LYRM7: variants seen among roughly 807,000 people sequenced by gnomAD.
LYRM7 encodes the protein LYR motif containing 7.
Under a neutral mutation model 15.8 loss-of-function variants are expected in LYRM7, and 9 were observed. The ratio of observed to expected loss-of-function variants is 0.57; its 90% CI spans 0.34 to 0.99. The LOEUF (loss-of-function observed/expected upper bound fraction) is 0.99. LYRM7 is among the 50% of genes least tolerant of loss of function. LYRM7 has a pLI of 0.02. For missense variants in LYRM7, 115 were observed against 119.1 expected (o/e 0.97, Z 0.16); for synonymous variants, 39 against 39.4 (o/e 0.99, Z 0.04).
intron 3 of LYRM7, 32 bp from the exon 4 acceptor site, chr5:131,186,996 G>T (rs1755804287): frequency 8.2e-7 from 1 of 1,213,178 alleles, no homozygotes. Flanking sequence ...ACACCTAAAG[G>T]ACTTACTCTA....
In LYRM7 at chr5:131,182,833, G is replaced by GA. The variant is rs575727395; in HGVS notation, c.162+541dup. ...CTAATACTCCTAGTAGAAGTTTATTGAAAAAAATGCACAATTTTTCTTTTC... is the reference window on the plus strand; with the variant it reads ...CTAATACTCCTAGTAGAAGTTTATTGAAAAAAAATGCACAATTTTTCTTTTC... On this transcript the variant is annotated intron_variant, in intron 3 of 4. Coordinates refer to ENST00000379380, the MANE Select transcript of LYRM7 (RefSeq NM_181705.4). Among the ~76,000 whole-genome samples the GA allele has an allele frequency of 1.6e-3, 237 of 151,936 alleles. 2 individuals carry two copies. Among genetic ancestry groups the GA allele is most frequent in the African/African-American group, 5.5e-3 (228 of 41,458 alleles).
At chr5:131,184,819 C>T (rs1451624334) in intron 3 of LYRM7, among the ~76,000 whole-genome samples, 1 of 152,030 alleles carries the variant, frequency 6.6e-6, no homozygotes, top group Non-Finnish European at 1.5e-5. Context: ...CTGCTAAGCC[C>T]CTTCCCAGGT....
chr5:131,187,005 T>G, intron 3 of LYRM7, 23 bp from the exon 4 acceptor site: 1 of 1,334,372 alleles, frequency 7.5e-7, no homozygotes, highest in Non-Finnish European at 1.1e-6. Flanking sequence ...GGACTTACTC[T>G]ATTTGTTTGG....
At chr5:131,184,811 G>A (rs1267338663) in intron 3 of LYRM7, among the ~76,000 whole-genome samples, 1 of 151,926 alleles carries the variant, frequency 6.6e-6, no homozygotes, top group Admixed American at 6.6e-5. Flanking sequence ...TCTCTGCCCT[G>A]CTAAGCCCCT....
Position 131,182,253 on chromosome 5 carries a change from A to G in LYRM7, c.116A>G (p.Glu39Gly). 1 of 1,437,132 alleles carries G rather than the reference A, an allele frequency of 7.0e-7. No individual in the cohort carries two copies. The highest frequency in any genetic ancestry group is 9.5e-7 in the Non-Finnish European group (1 of 1,058,190). 89.0% of individuals were successfully genotyped at this position (1,437,132 alleles called of 1,614,324 possible). ...LEAARIKINE[E>G]FKNNKSETSS... Reference sequence around the variant, plus strand: ...GCAGCCAGAATAAAGATAAATGAAGAATTCAAAAATAATAAAAGTGAAACT... The same window carrying G: ...GCAGCCAGAATAAAGATAAATGAAGGATTCAAAAATAATAAAAGTGAAACT... Residue 39 changes from glutamate (E) to glycine (G), a missense_variant, in exon 3 of 5, where the codon GAA (glutamate) becomes GGA (glycine). Transcript: ENST00000379380.
chr5:131,204,677 A>G lies in LYRM7; in HGVS notation c.*5076A>G, dbSNP rs1409382514. 7.4e-6 allele frequency: 1 copy of G among 135,276 alleles called. No individual in the cohort carries two copies. The highest frequency in any genetic ancestry group is 1.6e-5 in the Non-Finnish European group (1 of 64,294). 8.4% of individuals were successfully genotyped at this position (135,276 alleles called of 1,614,324 possible). ...ATATAATGCAAATAATCCAAAATAC[A>G]AAAAAAAAAAAAAAGAAATCTGAAA... On this transcript the variant is annotated 3_prime_UTR_variant, in exon 5 of 5. Transcript: ENST00000379380.
chr5:131,180,252 C>A, intron 2 of LYRM7, 85 bp downstream of exon 2: 1 of 865,422 alleles, frequency 1.2e-6, no homozygotes, highest in Non-Finnish European at 1.9e-6. Context: ...TGGTCAAGAC[C>A]CATTTTAGGG....
Position 131,181,316 on chromosome 5 carries a change from TACAC to T in LYRM7, c.92-901_92-898del, listed in dbSNP as rs1554089874. 1.7e-3 allele frequency among the ~76,000 whole-genome samples: 47 copies of T among 27,640 alleles called. 5 individuals are homozygous for T. Among genetic ancestry groups the T allele is most frequent in the African/African-American group, 4.5e-3 (44 of 9,814 alleles). The allele number at this position is 27,640 out of a possible 152,430, so 18.1% of individuals were successfully genotyped here. ...AAAAAAAAAAAAATATATATATATA[TACAC>T]ACACACACACATATATATAACATAT... On this transcript the variant is annotated intron_variant, in intron 2 of 4. Coordinates refer to ENST00000379380, the MANE Select transcript of LYRM7 (RefSeq NM_181705.4).
At chr5:131,180,262 G>C in intron 2 of LYRM7, 95 bp downstream of exon 2, 1 of 739,400 alleles carries the variant, frequency 1.4e-6, no homozygotes, top group Non-Finnish European at 2.3e-6. Flanking sequence ...CCATTTTAGG[G>C]AATGACCTTC....
rs144902844 is a variant in LYRM7, at chr5:131,180,348, A to C, written c.91+181A>C. Among the ~76,000 whole-genome samples, 568 of 152,198 alleles carry C rather than the reference A, an allele frequency of 3.7e-3. 3 individuals are homozygous for C. The highest frequency in any genetic ancestry group is 6.2e-3 in the Non-Finnish European group (425 of 68,014). ...TTGAGAAATATCTACTTAAAGAAAAATTTTTAAAGATCAAGTCTTCATAAA... is the reference window on the plus strand; with the variant it reads ...TTGAGAAATATCTACTTAAAGAAAACTTTTTAAAGATCAAGTCTTCATAAA... On this transcript the variant is annotated intron_variant, in intron 2 of 4. Transcript: ENST00000379380.
At chr5:131,184,312 C>T (rs1364221563) in intron 3 of LYRM7, among the ~76,000 whole-genome samples, 2 of 151,988 alleles carry the variant, frequency 1.3e-5, no homozygotes, top group African/African-American at 4.8e-5. Flanking sequence ...GAAAATTCAG[C>T]CTTACACAGA....
At chr5:131,178,528 A>T (rs1218085034) in intron 1 of LYRM7, among the ~76,000 whole-genome samples, 1 of 152,212 alleles carries the variant, frequency 6.6e-6, no homozygotes, top group Admixed American at 6.5e-5. Flanking sequence ...GAGAAGTGTG[A>T]AGTGACCTCA....
chr5:131,175,819 C>T (rs946200324), intron 1 of LYRM7, among the ~76,000 whole-genome samples: 4 of 152,026 alleles, frequency 2.6e-5, no homozygotes, highest in Non-Finnish European at 4.4e-5. Flanking sequence ...AGTGCAGTGG[C>T]ACCATCTCGG....
intron 4 of LYRM7, among the ~76,000 whole-genome samples, chr5:131,192,503 A>G (rs1267830610): frequency 1.3e-5 from 2 of 152,316 alleles, no homozygotes; most frequent in South Asian, 2.1e-4. Context: ...ACACATATAC[A>G]TGCATTGAAC....
chr5:131,191,639 G>T (rs1755887502), intron 4 of LYRM7, among the ~76,000 whole-genome samples: 1 of 151,852 alleles, frequency 6.6e-6, no homozygotes, highest in Non-Finnish European at 1.5e-5. Flanking sequence ...ACAAGTATAT[G>T]AAAAAATACG....
chr5:131,198,568 A>T (rs969205626), intron 4 of LYRM7, among the ~76,000 whole-genome samples: 17 of 147,708 alleles, frequency 1.2e-4, no homozygotes, highest in African/African-American at 2.5e-4. Context: ...AAAATTTGGA[A>T]TTTTTTTTTT....
At chr5:131,172,049 T>G (rs989491968) in intron 1 of LYRM7, among the ~76,000 whole-genome samples, 1 of 152,218 alleles carries the variant, frequency 6.6e-6, no homozygotes, top group South Asian at 2.1e-4. Flanking sequence ...AGTTATTTAA[T>G]TACAGTTGTA....
intron 1 of LYRM7, 88 bp downstream of exon 1, chr5:131,171,126 C>G: frequency 7.6e-7 from 1 of 1,312,286 alleles, no homozygotes; most frequent in Non-Finnish European, 1.0e-6. Flanking sequence ...TCTCTGGAGG[C>G]TGGGGCTCCT....
Position 131,171,020 on chromosome 5 carries a change from C to T in LYRM7, c.-1C>T, listed in dbSNP as rs373977240. The T allele has an allele frequency of 1.7e-5, 26 of 1,541,556 alleles. No individual in the cohort carries two copies. The highest frequency in any genetic ancestry group is 5.7e-5 in the African/African-American group (4 of 69,978). On this transcript the variant is annotated 5_prime_UTR_variant, in exon 1 of 5. Coordinates refer to ENST00000379380, the MANE Select transcript of LYRM7 (RefSeq NM_181705.4). ...AGGTAGCGGCCGCGGTGAGGAGAGC[C>T]ATGGGACGGGCAGTCAAGGTGACAG... is the stretch of plus-strand genomic sequence containing the variant.
Sources: allele counts gnomAD v4.1 joint callset (sites outside exome capture counted in the v4.1 genomes callset), GRCh38; gene constraint gnomAD v4.1.1; transcripts MANE v1.5; gene names NCBI Gene and HGNC (gene_info 2026-07-23, HGNC 2026-07-21).